The following SYN2 variants were observed in gnomAD, a reference collection of about 807,000 sequenced individuals.
SYN2 encodes the protein synapsin-2.
A neutral mutation model predicts 50.9 loss-of-function variants in SYN2; 19 were observed. The observed-to-expected ratio is 0.37, with a 90% CI of 0.26 to 0.55. The LOEUF (loss-of-function observed/expected upper bound fraction) is 0.55. SYN2 is among the 20% of genes least tolerant of loss of function. The pLI is 0.81. For synonymous variants in SYN2, 255 were observed against 224.9 expected (o/e 1.13, Z -1.20); for missense variants, 587 against 576.4 (o/e 1.02, Z -0.19).
chr3:12,187,591 C>A lies in SYN2; in HGVS notation c.1592C>A (p.Pro531His), dbSNP rs1016460568. 1 of 1,550,066 alleles carries A rather than the reference C, an allele frequency of 6.5e-7. No homozygotes were observed. Among genetic ancestry groups the A allele is most frequent in the Non-Finnish European group, 8.7e-7 (1 of 1,145,384 alleles). Residue 531 changes from proline to histidine, a missense_variant, in exon 12 of 13, where the codon CCC becomes CAC. Coordinates refer to ENST00000621198, the MANE Select transcript of SYN2 (RefSeq NM_133625.6). ...QPPLAAPPQK[P>H]QPHPQLNKSQ... ...CCCCTGGCTGCTCCACCACAGAAGC[C>A]CCAGCCTCACCCACAGCTCAAGTAA...
chr3:12,104,264 G>T (rs1696132668), intron 1 of SYN2, among the ~76,000 whole-genome samples: 1 of 152,096 alleles, frequency 6.6e-6, no homozygotes, highest in South Asian at 2.1e-4. Context: ...GCCTAGCTGG[G>T]ACTCAGACAA....
chr3:12,028,658 G>C (rs1254237275), intron 1 of SYN2, among the ~76,000 whole-genome samples: 4 of 142,864 alleles, frequency 2.8e-5, no homozygotes, highest in African/African-American at 1.1e-4. Flanking sequence ...GTGTTTTTTG[G>C]CTGCATAAAT....
chr3:12,035,622 AC>A (rs1375936266), intron 1 of SYN2, among the ~76,000 whole-genome samples: 1 of 152,152 alleles, frequency 6.6e-6, no homozygotes, highest in Admixed American at 6.5e-5. Flanking sequence ...AATTGATTTG[AC>A]CGGAAAAGGT....
chr3:12,142,790 G>C (rs1697051961), intron 3 of SYN2, among the ~76,000 whole-genome samples: 1 of 152,144 alleles, frequency 6.6e-6, no homozygotes, highest in South Asian at 2.1e-4. Flanking sequence ...GTTCCAAGAA[G>C]AGTCTTCACC....
At chr3:12,167,380 AT>A (rs1187081247) in intron 8 of SYN2, 72 bp downstream of exon 8, 2 of 1,482,102 alleles carry the variant, frequency 1.3e-6, no homozygotes. Flanking sequence ...AAGTTTAGGA[AT>A]TAAGCTCTGT....
At chr3:12,125,797 A>G (rs1052667596) in intron 1 of SYN2, among the ~76,000 whole-genome samples, 4 of 151,778 alleles carry the variant, frequency 2.6e-5, no homozygotes, top group African/African-American at 9.7e-5. Flanking sequence ...AAGCTTCAAA[A>G]TGGCAAATGT....
At chr3:12,015,904 A>G (rs1694020381) in intron 1 of SYN2, among the ~76,000 whole-genome samples, 1 of 152,276 alleles carries the variant, frequency 6.6e-6, no homozygotes, top group East Asian at 1.9e-4. Context: ...TTTCCAGGAT[A>G]TATACCTCTT....
intron 1 of SYN2, among the ~76,000 whole-genome samples, chr3:12,102,536 C>T (rs1459616711): frequency 6.6e-6 from 1 of 152,118 alleles, no homozygotes; most frequent in African/African-American, 2.4e-5. Context: ...ATCTCATTCT[C>T]TTTTGATTGC....
In SYN2 at chr3:12,118,056, C is replaced by T. The variant is rs559081251; in HGVS notation, c.378-22595C>T. Among the ~76,000 whole-genome samples the T allele has an allele frequency of 2.6e-5, 4 of 152,244 alleles. No individual in the cohort carries two copies. The South Asian group carries it at 8.3e-4, about 32-fold the overall frequency. ...GAAGATGAGTGATGTTTGTGCAGTG[C>T]GAAGTAGCATGACAACAGAAACAGC... On this transcript the variant is annotated intron_variant, in intron 1 of 12. Transcript: ENST00000621198.
At position 12,004,446 on chromosome 3, in the gene SYN2, C is replaced by A; in HGVS notation, c.-106C>A. The A allele has an allele frequency of 3.2e-6, 1 of 311,862 alleles. No homozygotes were observed. The highest frequency in any genetic ancestry group is 6.2e-6 in the Non-Finnish European group (1 of 160,728). The allele number at this position is 311,862 out of a possible 1,614,324, so 19.3% of individuals were successfully genotyped here. ...GGGGCCTGAGTCTCTGCTGGCTAAG[C>A]CGCCGCCTCAGCCGCCTCAGTCGCC... On this transcript the variant is annotated 5_prime_UTR_variant, in exon 1 of 13. Transcript: ENST00000621198.
At chr3:12,180,803 T>C (rs567889149) in intron 10 of SYN2, among the ~76,000 whole-genome samples, 2 of 152,314 alleles carry the variant, frequency 1.3e-5, no homozygotes, top group African/African-American at 4.8e-5. Flanking sequence ...AGTTCATCCG[T>C]GGGTGTCTTA....
rs192233451 is a variant in SYN2 at position 12,128,280 on chromosome 3, A to G, written c.378-12371A>G. 3.7e-3 allele frequency among the ~76,000 whole-genome samples: 559 copies of G among 152,256 alleles called. 2 individuals are homozygous for G. The highest frequency in any genetic ancestry group is 0.013 in the African/African-American group (530 of 41,530). On this transcript the variant is annotated intron_variant, in intron 1 of 12. Transcript: ENST00000621198. The stretch of plus-strand genomic sequence containing the variant: ...ATTCTTTATGATACTTGATCTCACA[A>G]GCGCTCTGAGTGGAAATCGGGTCCT...
intron 1 of SYN2, among the ~76,000 whole-genome samples, chr3:12,007,875 G>A (rs1210506447): frequency 6.6e-6 from 1 of 152,136 alleles, no homozygotes; most frequent in East Asian, 1.9e-4. Context: ...TTTTTCTTTT[G>A]CTGGAAATGT....
chr3:12,084,070 T>G (rs1695638826), intron 1 of SYN2, among the ~76,000 whole-genome samples: 1 of 152,186 alleles, frequency 6.6e-6, no homozygotes, highest in Non-Finnish European at 1.5e-5. Context: ...AAGGTTTAAT[T>G]AAAACTCTTC....
At chr3:12,011,225 A>G (rs1693905626) in intron 1 of SYN2, among the ~76,000 whole-genome samples, 1 of 152,228 alleles carries the variant, frequency 6.6e-6, no homozygotes, top group African/African-American at 2.4e-5. Flanking sequence ...ATTGTGGAAA[A>G]TCTTTTGCAA....
At chr3:12,127,822 CTT>C (rs1308895562) in intron 1 of SYN2, among the ~76,000 whole-genome samples, 1 of 152,298 alleles carries the variant, frequency 6.6e-6, no homozygotes, top group East Asian at 1.9e-4. Flanking sequence ...GAGGAGATCT[CTT>C]TTATTTCCTT....
intron 1 of SYN2, among the ~76,000 whole-genome samples, chr3:12,050,227 T>C (rs920620452): frequency 2.0e-5 from 3 of 152,084 alleles, no homozygotes; most frequent in African/African-American, 7.2e-5. Flanking sequence ...TGTTAATGGT[T>C]ATAATTCTCT....
At chr3:12,103,110 A>G (rs1020757779) in intron 1 of SYN2, among the ~76,000 whole-genome samples, 1 of 152,194 alleles carries the variant, frequency 6.6e-6, no homozygotes, top group African/African-American at 2.4e-5. Context: ...ATGAAAAAAC[A>G]GAAGACTAGA....
In SYN2 at chr3:12,183,372, G is replaced by A. The variant is rs764451413; in HGVS notation, c.1369G>A (p.Gly457Arg). 4 of 1,613,774 alleles carry A rather than the reference G, an allele frequency of 2.5e-6. No individual in the cohort carries two copies. Among genetic ancestry groups the A allele is most frequent in the Admixed American group, 1.7e-5 (1 of 59,978 alleles). ...CCCACCTCAGCGGCCACCCCCTCAA[G>A]GTTGTTTACAGTATATTCTCGACTG... ...KTPPQRPPPQ[G>R]GPGQPQGMQP... is the part of the protein sequence containing the mutation. Residue 457 changes from glycine (G) to arginine (R), a missense_variant and splice_region_variant, in exon 11 of 13, where the codon GGG (glycine) becomes AGG (arginine). Gly to Arg is a moderately radical substitution (Grantham distance 125). Coordinates refer to ENST00000621198, the MANE Select transcript of SYN2 (RefSeq NM_133625.6).
Sources: allele counts gnomAD v4.1 joint callset (sites outside exome capture counted in the v4.1 genomes callset), GRCh38; gene constraint gnomAD v4.1.1; transcripts MANE v1.5; gene names NCBI Gene and HGNC (gene_info 2026-07-23, HGNC 2026-07-21).